Variants in SHQ1 observed in about 807,000 individuals in gnomAD.
The protein encoded by SHQ1 is SHQ1, H/ACA ribonucleoprotein assembly factor.
Under a neutral mutation model 53.8 loss-of-function variants are expected in SHQ1, and 49 were observed. The ratio of observed to expected loss-of-function variants is 0.91; its 90% CI spans 0.72 to 1.16. The LOEUF (loss-of-function observed/expected upper bound fraction) is 1.16. SHQ1 is among the 50% of genes most tolerant of loss of function. The probability of loss-of-function intolerance (pLI) is 0.00; values close to 1 mark genes in which losing one functional copy is unlikely to be tolerated. For missense variants in SHQ1, 738 were observed against 683.1 expected, an observed-to-expected ratio of 1.08 and a Z score of -0.90; for synonymous variants, 243 against 251.0, an observed-to-expected ratio of 0.97 and a Z score of 0.30.
chr3:72,798,766 C>A (rs1706702154), intron 9 of SHQ1, among the ~76,000 whole-genome samples: 1 of 152,224 alleles, frequency 6.6e-6, no homozygotes, highest in Non-Finnish European at 1.5e-5. Flanking sequence ...TGGTTTCCAT[C>A]TCTAGGAGAT....
At chr3:72,780,944 C>T (rs1256334391) in intron 10 of SHQ1, among the ~76,000 whole-genome samples, 4 of 152,112 alleles carry the variant, frequency 2.6e-5, no homozygotes, top group Non-Finnish European at 5.9e-5. Context: ...ACTGGGATTA[C>T]AGGTGCCCAC....
chr3:72,750,250 A>T lies in SHQ1; in HGVS notation c.*34T>A. The T allele has an allele frequency of 6.7e-7, 1 of 1,488,852 alleles. No homozygotes were observed. The highest frequency in any genetic ancestry group is 9.1e-7 in the Non-Finnish European group (1 of 1,095,494). The allele number at this position is 1,488,852 out of a possible 1,614,324, so 92.2% of individuals were successfully genotyped here. Reference sequence around the variant, plus strand: ...TTCGGTAAATGAAACCCAATCTACCATATTTCTCAACAATGAATAAAACCA... The same window carrying T: ...TTCGGTAAATGAAACCCAATCTACCTTATTTCTCAACAATGAATAAAACCA... On this transcript the variant is annotated 3_prime_UTR_variant, in exon 11 of 11. Coordinates refer to ENST00000325599, the MANE Select transcript of SHQ1 (RefSeq NM_018130.3).
intron 9 of SHQ1, chr3:72,794,692 G>A (rs1248720633): frequency 6.6e-6 from 1 of 152,046 alleles, no homozygotes; most frequent in African/African-American, 2.4e-5. Context: ...TCTCTTCCCT[G>A]CATATGTTCT....
At chr3:72,777,974 T>C (rs1705992178) in intron 10 of SHQ1, among the ~76,000 whole-genome samples, 1 of 152,180 alleles carries the variant, frequency 6.6e-6, no homozygotes, top group African/African-American at 2.4e-5. Context: ...CATGATTCCA[T>C]TACATAAAGT....
chr3:72,839,917 T>C (rs532021802), intron 4 of SHQ1, among the ~76,000 whole-genome samples: 10 of 151,794 alleles, frequency 6.6e-5, no homozygotes, highest in Non-Finnish European at 1.3e-4. Flanking sequence ...GGTGCCACCA[T>C]GCCTGGCTAA....
intron 9 of SHQ1, among the ~76,000 whole-genome samples, chr3:72,796,592 G>A (rs1243811857): frequency 6.6e-6 from 1 of 152,078 alleles, no homozygotes; most frequent in East Asian, 1.9e-4. Flanking sequence ...AAGCCGAGGT[G>A]GGCAGATCAC....
chr3:72,784,497 T>G (rs553337960), intron 10 of SHQ1, among the ~76,000 whole-genome samples: 3 of 152,304 alleles, frequency 2.0e-5, no homozygotes, highest in Admixed American at 2.0e-4. Flanking sequence ...TCTTTTCTTA[T>G]GGAGATAAAA....
chr3:72,744,922 T>C (rs887202145), downstream of SHQ1, among the ~76,000 whole-genome samples: 38 of 81,024 alleles, frequency 4.7e-4, no homozygotes, highest in African/African-American at 1.4e-3. Context: ...ATTTGATACA[T>C]TGGGGGGGGG....
chr3:72,726,506 C>T, the SHQ1 span, among the ~76,000 whole-genome samples: 3 of 152,170 alleles, frequency 2.0e-5, no homozygotes, highest in African/African-American at 7.2e-5. Flanking sequence ...GTGCATGCCA[C>T]CACGTCAGCT....
At chr3:72,818,859 C>T (rs2106880169) in intron 6 of SHQ1, among the ~76,000 whole-genome samples, 1 of 152,244 alleles carries the variant, frequency 6.6e-6, no homozygotes, top group East Asian at 1.9e-4. Flanking sequence ...CTAAGAGTGG[C>T]CCCCAGCTAA....
intron 10 of SHQ1, among the ~76,000 whole-genome samples, chr3:72,755,144 T>C (rs1242827500): frequency 2.0e-5 from 3 of 152,200 alleles, no homozygotes; most frequent in Non-Finnish European, 2.9e-5. Context: ...CAGGAACTCC[T>C]GCCTGTAACC....
At chr3:72,758,102 T>C (rs1705535853) in intron 10 of SHQ1, among the ~76,000 whole-genome samples, 1 of 152,206 alleles carries the variant, frequency 6.6e-6, no homozygotes, top group African/African-American at 2.4e-5. Flanking sequence ...CTAAAGGTAA[T>C]GCACTGGCTT....
intron 2 of SHQ1, among the ~76,000 whole-genome samples, chr3:72,843,312 C>T (rs1220395800): frequency 1.3e-5 from 2 of 152,066 alleles, no homozygotes; most frequent in African/African-American, 4.8e-5. Context: ...TAAAAATACA[C>T]AGAATCTTAG....
rs770596890 is a variant in SHQ1 at position 72,750,388 on chromosome 3, C to T, written c.1630G>A (p.Glu544Lys). 4 of 1,614,150 alleles carry T rather than the reference C, an allele frequency of 2.5e-6. No homozygotes were observed. In the South Asian group the frequency reaches 4.4e-5, roughly 18 times the overall value. ...VSGPLIEELG[E>K]QLKTTVQVSE... ...ACCTGAACTGTAGTCTTCAGTTGTT[C>T]CCCAAGCTCCTCTATCAGAGGCCCA... Residue 544 changes from glutamate (E) to lysine (K), a missense_variant, in exon 11 of 11, where the codon GAA becomes AAA. Glu to Lys is a moderately conservative substitution (Grantham distance 56). Transcript: ENST00000325599.
chr3:72,778,430 C>A (rs1706002649), intron 10 of SHQ1, among the ~76,000 whole-genome samples: 1 of 151,536 alleles, frequency 6.6e-6, no homozygotes, highest in African/African-American at 2.4e-5. Flanking sequence ...GCCTGGGTGA[C>A]AGAAACCCTG....
chr3:72,842,871 C>G (rs1708215840), intron 2 of SHQ1, among the ~76,000 whole-genome samples: 1 of 152,070 alleles, frequency 6.6e-6, no homozygotes, highest in South Asian at 2.1e-4. Flanking sequence ...GTCAAGAGAT[C>G]AACACCATCC....
intron 10 of SHQ1, among the ~76,000 whole-genome samples, chr3:72,779,606 C>T (rs1409692294): frequency 6.6e-6 from 1 of 152,212 alleles, no homozygotes; most frequent in African/African-American, 2.4e-5. Flanking sequence ...GAGAACCCTG[C>T]ACACAGTAGG....
At chr3:72,729,879 G>A in the SHQ1 span, among the ~76,000 whole-genome samples, 6 of 152,126 alleles carry the variant, frequency 3.9e-5, no homozygotes, top group African/African-American at 7.2e-5. Context: ...GTGCAGTGGC[G>A]CGATCTCGTC....
chr3:72,750,960 T>C, intron 10 of SHQ1, 124 bp from the exon 11 acceptor site: 1 of 661,976 alleles, frequency 1.5e-6, no homozygotes, highest in Non-Finnish European at 2.4e-6. Context: ...AGGATATATA[T>C]CATAACAGAT....
Sources: allele counts gnomAD v4.1 joint callset (sites outside exome capture counted in the v4.1 genomes callset), GRCh38; gene constraint gnomAD v4.1.1; transcripts MANE v1.5; gene names NCBI Gene and HGNC (gene_info 2026-07-23, HGNC 2026-07-21).